SKAP1: variants seen among roughly 807,000 people sequenced by gnomAD.
SKAP1 encodes src kinase associated phosphoprotein 1, also known as src kinase-associated phosphoprotein 1.
A neutral mutation model predicts 58.5 loss-of-function variants in SKAP1; 44 were observed. The observed-to-expected ratio is 0.75, with a 90% CI of 0.59 to 0.97. SKAP1 has a LOEUF of 0.97. SKAP1 is among the 50% of genes least tolerant of loss of function. SKAP1 has a pLI of 0.00. For synonymous variants in SKAP1, 127 were observed against 149.7 expected, an observed-to-expected ratio of 0.85 and a Z score of 1.11; for missense variants, 390 against 435.2, an observed-to-expected ratio of 0.90 and a Z score of 0.92.
At chr17:48,186,238 G>A (rs1057077247) in intron 6 of SKAP1, among the ~76,000 whole-genome samples, 1 of 152,098 alleles carries the variant, frequency 6.6e-6, no homozygotes, top group Non-Finnish European at 1.5e-5. Context: ...AGTGGGCTGG[G>A]GGTTGGAAGG....
chr17:48,240,717 C>T (rs561246581), intron 4 of SKAP1, among the ~76,000 whole-genome samples: 9 of 152,244 alleles, frequency 5.9e-5, no homozygotes, highest in African/African-American at 2.2e-4. Context: ...ACTGGAGGGA[C>T]ATCAGAATGA....
the SKAP1 span, among the ~76,000 whole-genome samples, chr17:48,435,533 C>T: frequency 5.3e-5 from 8 of 152,284 alleles, no homozygotes; most frequent in African/African-American, 1.9e-4. Context: ...TCAGACATAA[C>T]TTTGGAAACT....
At chr17:48,269,327 C>G (rs2065597117) in intron 4 of SKAP1, among the ~76,000 whole-genome samples, 1 of 151,710 alleles carries the variant, frequency 6.6e-6, no homozygotes, top group East Asian at 1.9e-4. Flanking sequence ...CAAAAAATAA[C>G]TTCTGTGTGT....
intron 4 of SKAP1, among the ~76,000 whole-genome samples, chr17:48,192,892 C>CG (rs1015160752): frequency 2.0e-5 from 3 of 152,204 alleles, no homozygotes; most frequent in African/African-American, 7.2e-5. Context: ...AAGAGTCAAA[C>CG]TCAGTTTGCT....
At chr17:48,357,584 C>T (rs182797203) in intron 3 of SKAP1, among the ~76,000 whole-genome samples, 3 of 151,676 alleles carry the variant, frequency 2.0e-5, no homozygotes, top group Non-Finnish European at 2.9e-5. Flanking sequence ...GAGCCAAGAT[C>T]GTGCCACTGC....
chr17:48,147,606 T>C (rs922714770), intron 11 of SKAP1, among the ~76,000 whole-genome samples: 1 of 152,092 alleles, frequency 6.6e-6, no homozygotes, highest in Non-Finnish European at 1.5e-5. Context: ...ATGAAGAGAT[T>C]TTCCAGAAGG....
At chr17:48,396,513 CACTA>C (rs1300422933) in intron 2 of SKAP1, among the ~76,000 whole-genome samples, 163 bp downstream of exon 2, 2 of 152,186 alleles carry the variant, frequency 1.3e-5, no homozygotes, top group African/African-American at 4.8e-5. Context: ...TGGTAAACTA[CACTA>C]ACTATGCTTG....
At chr17:48,188,888 TACTC>T (rs755867209) in intron 5 of SKAP1, among the ~76,000 whole-genome samples, 5 of 152,112 alleles carry the variant, frequency 3.3e-5, no homozygotes, top group Non-Finnish European at 7.4e-5. Flanking sequence ...TAGTCCCAGT[TACTC>T]AGGAGGCTGA....
At chr17:48,398,345 G>A (rs1417266519) in intron 1 of SKAP1, among the ~76,000 whole-genome samples, 2 of 151,844 alleles carry the variant, frequency 1.3e-5, no homozygotes, top group East Asian at 1.9e-4. Flanking sequence ...AATGCCTGAC[G>A]ATCTGTCACT....
intron 4 of SKAP1, among the ~76,000 whole-genome samples, chr17:48,198,477 A>AAAAAAAAAAC (rs2064675569): frequency 6.6e-6 from 1 of 151,018 alleles, no homozygotes; most frequent in Non-Finnish European, 1.5e-5. Context: ...AAAAAAAAAA[A>AAAAAAAAAAC]AGAATGGGTT....
At chr17:48,204,039 C>T (rs1198860187) in intron 4 of SKAP1, 1 of 152,026 alleles carries the variant, frequency 6.6e-6, no homozygotes, top group Non-Finnish European at 1.5e-5. Flanking sequence ...AACAGGCTCA[C>T]ACAGTTGGGA....
chr17:48,252,111 A>T (rs939039846), intron 4 of SKAP1, among the ~76,000 whole-genome samples: 1 of 152,212 alleles, frequency 6.6e-6, no homozygotes, highest in Non-Finnish European at 1.5e-5. Flanking sequence ...ATTCTTTCTG[A>T]GCGATTATGA....
At chr17:48,337,601 A>AT (rs2066590953) in intron 4 of SKAP1, among the ~76,000 whole-genome samples, 1 of 152,240 alleles carries the variant, frequency 6.6e-6, no homozygotes, top group South Asian at 2.1e-4. Context: ...AAAGATAATT[A>AT]ATTAGTTCTA....
chr17:48,297,554 C>T (rs1358504706), intron 4 of SKAP1, among the ~76,000 whole-genome samples: 1 of 152,080 alleles, frequency 6.6e-6, no homozygotes, highest in Non-Finnish European at 1.5e-5. Flanking sequence ...TCAGACCTAC[C>T]ACCCTTTTAG....
intron 4 of SKAP1, among the ~76,000 whole-genome samples, chr17:48,258,085 A>G (rs1272948240): frequency 2.0e-5 from 3 of 152,070 alleles, no homozygotes; most frequent in Non-Finnish European, 4.4e-5. Flanking sequence ...CCTACAACAA[A>G]AAAAAGTCAG....
chr17:48,314,516 A>G (rs565905143), intron 4 of SKAP1, among the ~76,000 whole-genome samples: 2 of 152,302 alleles, frequency 1.3e-5, no homozygotes, highest in East Asian at 1.9e-4. Flanking sequence ...CAAAGGCCTC[A>G]GCAAACAGGG....
intron 4 of SKAP1, among the ~76,000 whole-genome samples, chr17:48,219,055 G>A (rs2064972788): frequency 6.6e-6 from 1 of 152,152 alleles, no homozygotes; most frequent in African/African-American, 2.4e-5. Context: ...AATAGTATAT[G>A]TTTAATTTTG....
At chr17:48,323,127 G>A (rs1288586789) in intron 4 of SKAP1, among the ~76,000 whole-genome samples, 3 of 151,104 alleles carry the variant, frequency 2.0e-5, no homozygotes, top group Non-Finnish European at 4.4e-5. Flanking sequence ...AAAGAAATAA[G>A]GTAGAATGAA....
chr17:48,370,531 T>G (rs1263279653), intron 2 of SKAP1, among the ~76,000 whole-genome samples: 2 of 152,078 alleles, frequency 1.3e-5, no homozygotes, highest in African/African-American at 4.8e-5. Context: ...CTCAAACTGC[T>G]GAGCTCAAGC....
Sources: allele counts gnomAD v4.1 joint callset (sites outside exome capture counted in the v4.1 genomes callset), GRCh38; gene constraint gnomAD v4.1.1; transcripts MANE v1.5; gene names NCBI Gene and HGNC (gene_info 2026-07-23, HGNC 2026-07-21).